Variants in SPAG16 observed in about 807,000 individuals in gnomAD.
SPAG16 encodes the protein sperm-associated antigen 16 protein.
In SPAG16, 86 loss-of-function variants were observed where a neutral mutation model predicts 80.4. That is an observed-to-expected ratio of 1.07 (90% CI 0.90 to 1.28). The LOEUF (loss-of-function observed/expected upper bound fraction) is 1.28, where lower values mean the gene tolerates loss of function less well. Ranked by LOEUF, SPAG16 falls within the 50% of genes most tolerant of loss-of-function variation. The probability of loss-of-function intolerance (pLI) is 0.00; values close to 1 mark genes in which losing one functional copy is unlikely to be tolerated. For missense variants in SPAG16, 870 were observed against 765.3 expected, an observed-to-expected ratio of 1.14 and a Z score of -1.61; for synonymous variants, 294 against 265.9, an observed-to-expected ratio of 1.11 and a Z score of -1.03.
Position 214,014,068 on chromosome 2 carries a change from T to C in SPAG16, c.1518T>C (p.Asp506=), listed in dbSNP as rs2047459646. 5 of 1,612,486 alleles carry C rather than the reference T, an allele frequency of 3.1e-6. No individual in the cohort carries two copies. The highest frequency in any genetic ancestry group is 4.2e-6 in the Non-Finnish European group (5 of 1,179,482). Residue 506 remains aspartate (D), a synonymous_variant, in exon 13 of 16, where the codon GAT becomes GAC. Coordinates refer to ENST00000331683, the MANE Select transcript of SPAG16 (RefSeq NM_024532.5). ...CAGACAAGACCCTGTCTATATGGGA[T>C]GCAAGAACAGTAAGCAAATCATTCA... The part of the protein sequence containing the change: ...SSADKTLSIW[D]ARTGICEQSL...
chr2:214,291,309 T>TTC (rs1364995992), intron 15 of SPAG16, among the ~76,000 whole-genome samples: 2 of 122,750 alleles, frequency 1.6e-5, no homozygotes, highest in African/African-American at 6.5e-5. Context: ...TCTTTTTTTT[T>TTC]TTTTTTTTTT....
chr2:213,685,597 T>C (rs761910174), intron 10 of SPAG16, among the ~76,000 whole-genome samples: 11 of 151,442 alleles, frequency 7.3e-5, no homozygotes, highest in Non-Finnish European at 1.6e-4. Context: ...ACTGAAAACA[T>C]ATCAGTGTAG....
chr2:213,487,502 C>T (rs1220477002), intron 9 of SPAG16, among the ~76,000 whole-genome samples: 1 of 152,050 alleles, frequency 6.6e-6, no homozygotes, highest in African/African-American at 2.4e-5. Flanking sequence ...TATTTCAGCA[C>T]ATAGGCTGGG....
chr2:213,944,631 A>G (rs982440304), intron 12 of SPAG16, among the ~76,000 whole-genome samples: 9 of 152,170 alleles, frequency 5.9e-5, no homozygotes, highest in Admixed American at 5.2e-4. Flanking sequence ...TTCTGTTGGC[A>G]TGGAATTAAT....
intron 9 of SPAG16, among the ~76,000 whole-genome samples, chr2:213,474,292 C>T (rs1458303379): frequency 1.3e-5 from 2 of 152,114 alleles, no homozygotes; most frequent in African/African-American, 4.8e-5. Context: ...ATGATAAGAG[C>T]TTCTGTCTTT....
intron 15 of SPAG16, among the ~76,000 whole-genome samples, chr2:214,395,973 T>C (rs1701344018): frequency 1.3e-5 from 2 of 152,174 alleles, no homozygotes; most frequent in Non-Finnish European, 2.9e-5. Flanking sequence ...CTATTGTGAA[T>C]AGTGCTGCAA....
chr2:214,232,478 A>G (rs756756554), intron 15 of SPAG16, among the ~76,000 whole-genome samples: 4 of 151,984 alleles, frequency 2.6e-5, no homozygotes, highest in African/African-American at 4.8e-5. Context: ...ATTGGTAGCT[A>G]TGGAAGAACT....
At chr2:213,514,791 T>G (rs1029974024) in intron 10 of SPAG16, among the ~76,000 whole-genome samples, 40 of 152,136 alleles carry the variant, frequency 2.6e-4, no homozygotes, top group African/African-American at 9.4e-4. Flanking sequence ...TACAAATCTA[T>G]GCTAATTGCT....
At chr2:214,007,974 T>A (rs752398128) in intron 12 of SPAG16, among the ~76,000 whole-genome samples, 1 of 152,070 alleles carries the variant, frequency 6.6e-6, no homozygotes, top group Non-Finnish European at 1.5e-5. Flanking sequence ...CCTCCCTCCT[T>A]CTCTTCACCC....
chr2:213,823,551 G>C (rs1263057241), intron 10 of SPAG16, among the ~76,000 whole-genome samples: 3 of 152,104 alleles, frequency 2.0e-5, no homozygotes, highest in African/African-American at 7.2e-5. Flanking sequence ...GTAGAGATAG[G>C]GTTTCTCCAT....
chr2:213,431,540 T>C (rs1436223038), intron 9 of SPAG16, among the ~76,000 whole-genome samples: 2 of 151,898 alleles, frequency 1.3e-5, no homozygotes, highest in Admixed American at 6.6e-5. Flanking sequence ...AAGGGATTAA[T>C]TCAATAAGAG....
At chr2:213,356,847 T>C (rs980573957) in intron 7 of SPAG16, among the ~76,000 whole-genome samples, 2 of 152,216 alleles carry the variant, frequency 1.3e-5, no homozygotes, top group East Asian at 1.9e-4. Context: ...TGTTAGGGTG[T>C]TGATTTTAGA....
chr2:214,104,233 T>G (rs1347748588), intron 13 of SPAG16, among the ~76,000 whole-genome samples: 1 of 150,898 alleles, frequency 6.6e-6, no homozygotes, highest in Non-Finnish European at 1.5e-5. Context: ...AAAGGAAGAG[T>G]GGTAAAGGAT....
At chr2:213,476,362 A>C (rs1275773089) in intron 9 of SPAG16, among the ~76,000 whole-genome samples, 3 of 152,174 alleles carry the variant, frequency 2.0e-5, no homozygotes, top group Admixed American at 2.0e-4. Flanking sequence ...TTCTGATCCC[A>C]CATGACAGCT....
intron 5 of SPAG16, among the ~76,000 whole-genome samples, chr2:213,322,005 A>G: frequency 6.6e-6 from 1 of 151,990 alleles, no homozygotes; most frequent in South Asian, 2.1e-4. Context: ...TGACACCAAC[A>G]TGGCACATGT....
At chr2:214,138,268 T>TA (rs1405764595) in intron 14 of SPAG16, among the ~76,000 whole-genome samples, 1 of 151,992 alleles carries the variant, frequency 6.6e-6, no homozygotes, top group Non-Finnish European at 1.5e-5. Context: ...CTAGGGGAGA[T>TA]ACTGGGAGAT....
chr2:213,398,920 A>T (rs1426722466), intron 9 of SPAG16, among the ~76,000 whole-genome samples: 1 of 152,178 alleles, frequency 6.6e-6, no homozygotes, highest in African/African-American at 2.4e-5. Flanking sequence ...TGCATAAATT[A>T]AAAAATGTGT....
intron 14 of SPAG16, among the ~76,000 whole-genome samples, chr2:214,146,003 T>A (rs923903252): frequency 6.6e-6 from 1 of 152,176 alleles, no homozygotes. Context: ...ATCCTCAGGA[T>A]CAGTACTACT....
intron 14 of SPAG16, among the ~76,000 whole-genome samples, chr2:214,118,346 A>G (rs908699318): frequency 6.6e-6 from 1 of 152,188 alleles, no homozygotes; most frequent in African/African-American, 2.4e-5. Flanking sequence ...ACACTAATAA[A>G]TGGAAAGATA....
Sources: gnomAD v4.1 joint callset for allele counts (sites outside exome capture counted in the v4.1 genomes callset) on GRCh38, gnomAD v4.1.1 for gene constraint, MANE v1.5 for transcripts, NCBI Gene and HGNC (gene_info 2026-07-23, HGNC 2026-07-21) for gene names.